The following PALM2AKAP2 variants were observed in gnomAD, a reference collection of about 807,000 sequenced individuals.
The protein encoded by PALM2AKAP2 is PALM2-AKAP2 fusion protein.
A neutral mutation model predicts 71.5 loss-of-function variants in PALM2AKAP2; 37 were observed. That is an observed-to-expected ratio of 0.52 (90% CI 0.40 to 0.68). The LOEUF is 0.68. Among genes scored for constraint, PALM2AKAP2 ranks in the 30% least tolerant of loss-of-function variants. The pLI is 0.00. For synonymous variants in PALM2AKAP2, 468 were observed against 478.8 expected (o/e 0.98, Z 0.29); for missense variants, 1,224 against 1,191.8 (o/e 1.03, Z -0.40).
At chr9:109,970,893 G>A (rs1196186288) in intron 6 of PALM2AKAP2, among the ~76,000 whole-genome samples, 2 of 152,182 alleles carry the variant, frequency 1.3e-5, no homozygotes, top group Non-Finnish European at 2.9e-5. Flanking sequence ...AATTACTTGA[G>A]CCTAGGAGTT....
At chr9:109,790,756 G>T (rs1000385877) in intron 1 of PALM2AKAP2, among the ~76,000 whole-genome samples, 2 of 152,148 alleles carry the variant, frequency 1.3e-5, no homozygotes, top group Non-Finnish European at 2.9e-5. Context: ...CTGATATCAC[G>T]TGCTGTTTCT....
chr9:110,014,626 A>C (rs1283409164), intron 6 of PALM2AKAP2, among the ~76,000 whole-genome samples: 1 of 150,954 alleles, frequency 6.6e-6, no homozygotes, highest in Non-Finnish European at 1.5e-5. Flanking sequence ...TACAAAAATT[A>C]GCTGGGTGTG....
chr9:109,948,087 CCTT>C (rs1371068485), intron 6 of PALM2AKAP2, among the ~76,000 whole-genome samples: 2 of 152,158 alleles, frequency 1.3e-5, no homozygotes, highest in African/African-American at 4.8e-5. Flanking sequence ...TTCACAAAGG[CCTT>C]CTTCTGGTAT....
At chr9:109,829,683 C>T (rs1345314122) in intron 1 of PALM2AKAP2, among the ~76,000 whole-genome samples, 3 of 151,658 alleles carry the variant, frequency 2.0e-5, no homozygotes, top group Non-Finnish European at 4.4e-5. Flanking sequence ...CACATCCTCT[C>T]TCCTGGCCAG....
intron 1 of PALM2AKAP2, among the ~76,000 whole-genome samples, chr9:109,761,568 C>T (rs779806953): frequency 2.0e-5 from 3 of 152,144 alleles, no homozygotes; most frequent in Admixed American, 6.5e-5. Context: ...TGTTCACCTC[C>T]GTGTGTCCAC....
intron 1 of PALM2AKAP2, among the ~76,000 whole-genome samples, chr9:109,757,197 G>A (rs986910491): frequency 1.3e-5 from 2 of 151,872 alleles, no homozygotes; most frequent in African/African-American, 4.8e-5. Context: ...TAGCTCCCAC[G>A]TATGAGTGAG....
chr9:109,940,442 TCAAAA>T (rs1428925645), intron 6 of PALM2AKAP2, among the ~76,000 whole-genome samples: 4 of 152,048 alleles, frequency 2.6e-5, no homozygotes, highest in African/African-American at 4.8e-5. Context: ...ATGTAGAAAC[TCAAAA>T]CAAAGACATT....
At chr9:109,677,008 G>T (rs547626024) in intron 1 of PALM2AKAP2, among the ~76,000 whole-genome samples, 1 of 152,298 alleles carries the variant, frequency 6.6e-6, no homozygotes, top group African/African-American at 2.4e-5. Flanking sequence ...TTGAGTGCAT[G>T]AGAGGGCCGA....
intron 1 of PALM2AKAP2, among the ~76,000 whole-genome samples, chr9:110,094,739 A>G (rs1224098882): frequency 2.6e-5 from 4 of 152,198 alleles, no homozygotes; most frequent in Non-Finnish European, 5.9e-5. Flanking sequence ...ATTGGGGATT[A>G]CAATTCGACA....
intron 1 of PALM2AKAP2, among the ~76,000 whole-genome samples, chr9:109,821,825 A>T (rs1828014875): frequency 6.6e-6 from 1 of 152,176 alleles, no homozygotes; most frequent in African/African-American, 2.4e-5. Flanking sequence ...CCATTCTCTT[A>T]GGGATCTTTG....
chr9:109,809,973 A>T (rs1827684885), intron 1 of PALM2AKAP2, among the ~76,000 whole-genome samples: 2 of 152,216 alleles, frequency 1.3e-5, no homozygotes, highest in Admixed American at 1.3e-4. Context: ...ACTGTGAGTC[A>T]ATTAAACCTC....
At chr9:109,948,641 A>G (rs1478805903) in intron 6 of PALM2AKAP2, among the ~76,000 whole-genome samples, 1 of 152,200 alleles carries the variant, frequency 6.6e-6, no homozygotes, top group Non-Finnish European at 1.5e-5. Flanking sequence ...CCTCTTCATA[A>G]TCACCTGGGG....
intron 1 of PALM2AKAP2, among the ~76,000 whole-genome samples, chr9:109,821,857 A>G (rs556278229): frequency 6.6e-6 from 1 of 152,350 alleles, no homozygotes; most frequent in Admixed American, 6.5e-5. Flanking sequence ...TCTTGTGTCA[A>G]AAACATCAAA....
At chr9:110,125,241 A>G (rs375394945) in intron 1 of PALM2AKAP2, among the ~76,000 whole-genome samples, 16 of 152,130 alleles carry the variant, frequency 1.1e-4, no homozygotes, top group African/African-American at 3.6e-4. Context: ...TGCCGAGAAG[A>G]CAGTGGTAGC....
upstream of PALM2AKAP2, among the ~76,000 whole-genome samples, chr9:109,777,677 C>A (rs1380389388): frequency 1.3e-5 from 2 of 152,230 alleles, no homozygotes. Context: ...GGCTTACTGA[C>A]AGCCCTCCAA....
intron 3 of PALM2AKAP2, among the ~76,000 whole-genome samples, chr9:109,917,478 CCTTTCCTTTTTTTT>C (rs1198045043): frequency 6.8e-6 from 1 of 146,188 alleles, no homozygotes; most frequent in Non-Finnish European, 1.5e-5. Flanking sequence ...AGCCAACGCT[CCTTTCCTTTTTTTT>C]TTTTTTTTTT....
intron 6 of PALM2AKAP2, among the ~76,000 whole-genome samples, chr9:109,977,737 T>C (rs1832195908): frequency 6.6e-6 from 1 of 152,060 alleles, no homozygotes; most frequent in Non-Finnish European, 1.5e-5. Flanking sequence ...ATCAGGGCTT[T>C]AAATGCTACT....
intron 7 of PALM2AKAP2, among the ~76,000 whole-genome samples, chr9:110,035,320 G>A (rs796741778): frequency 3.0e-5 from 3 of 101,088 alleles, no homozygotes; most frequent in African/African-American, 4.9e-5. Flanking sequence ...ACATACATAT[G>A]TATTATATGT....
chr9:109,844,043 T>C (rs980058548), intron 1 of PALM2AKAP2, among the ~76,000 whole-genome samples: 6 of 152,216 alleles, frequency 3.9e-5, no homozygotes, highest in African/African-American at 1.4e-4. Flanking sequence ...AACTGCCTTT[T>C]GATGATTTAT....
Sources: gnomAD v4.1 joint callset for allele counts (sites outside exome capture counted in the v4.1 genomes callset) on GRCh38, gnomAD v4.1.1 for gene constraint, MANE v1.5 for transcripts, NCBI Gene and HGNC (gene_info 2026-07-23, HGNC 2026-07-21) for gene names.